ECT2L: variants seen among roughly 807,000 people sequenced by gnomAD.
ECT2L encodes epithelial cell-transforming sequence 2 oncogene-like.
ECT2L carries 126 observed loss-of-function variants against 122.8 expected under a neutral mutation model. The observed-to-expected ratio is 1.03, with a 90% confidence interval of 0.89 to 1.19. The LOEUF is 1.19. Ranked by LOEUF, ECT2L falls within the 50% of genes most tolerant of loss-of-function variation. The pLI is 0.00. For missense variants in ECT2L, 1,012 were observed against 1,064.1 expected (o/e 0.95, Z 0.68); for synonymous variants, 385 against 381.8 (o/e 1.01, Z -0.10).
In ECT2L at chr6:138,801,541, C is replaced by G. The variant is rs1583535350; in HGVS notation, c.-244+5349C>G. ...CTGAAGTGGGCAGATTGCCTGAGGTCAGGAGTCCGAGACCAGTCTGGCCAA... is the reference window on the plus strand; with the variant it reads ...CTGAAGTGGGCAGATTGCCTGAGGTGAGGAGTCCGAGACCAGTCTGGCCAA... On this transcript the variant is annotated intron_variant, in intron 1 of 21. Transcript: ENST00000541398. 2.0e-5 allele frequency among the ~76,000 whole-genome samples: 3 copies of G among 152,158 alleles called. No individual in the cohort carries two copies. In the South Asian group the frequency reaches 6.2e-4, roughly 32 times the overall value.
intron 1 of ECT2L, among the ~76,000 whole-genome samples, chr6:138,799,702 G>A (rs560655087): frequency 1.3e-5 from 2 of 152,294 alleles, no homozygotes; most frequent in South Asian, 4.1e-4. Flanking sequence ...TAGGACTACA[G>A]GTGAATGCCG....
intron 5 of ECT2L, among the ~76,000 whole-genome samples, chr6:138,838,968 G>A (rs1397036581): frequency 6.6e-6 from 1 of 152,284 alleles, no homozygotes; most frequent in South Asian, 2.1e-4. Flanking sequence ...TTTTAGTAGA[G>A]ACGGGGTTTT....
intron 1 of ECT2L, among the ~76,000 whole-genome samples, chr6:138,802,462 G>A (rs1775574864): frequency 6.6e-6 from 1 of 152,192 alleles, no homozygotes; most frequent in Non-Finnish European, 1.5e-5. Context: ...TACACACTGT[G>A]ATAGTCTCCA....
rs776359008 is a variant in ECT2L at position 138,888,984 on chromosome 6, T to G, written c.2367T>G (p.Asp789Glu). Residue 789 changes from aspartate to glutamate, a missense_variant, in exon 20 of 22, where the codon GAT (aspartate) becomes GAG (glutamate). Transcript: ENST00000541398. ...EVNRYLIRVQ[D>E]VAQLHCCDEE... ...ACAGATATCTGATTAGGGTACAAGA[T>G]GTAGCCCAACTTCATTGCTGTGATG... 1 of 1,553,480 alleles carries G rather than the reference T, an allele frequency of 6.4e-7. No homozygotes were observed. The highest frequency in any genetic ancestry group is 8.7e-7 in the Non-Finnish European group (1 of 1,144,250).
At chr6:138,888,473 G>A (rs1778905713) in intron 19 of ECT2L, among the ~76,000 whole-genome samples, 1 of 96,626 alleles carries the variant, frequency 1.0e-5, no homozygotes, top group Non-Finnish European at 2.5e-5. Context: ...ACCACACCTG[G>A]CTAATTTTTT....
chr6:138,847,106 A>G (rs1470473305), intron 8 of ECT2L, among the ~76,000 whole-genome samples: 1 of 151,274 alleles, frequency 6.6e-6, no homozygotes, highest in Non-Finnish European at 1.5e-5. Flanking sequence ...CATCTCTACT[A>G]AAAGTAGAAA....
At chr6:138,813,922 A>G (rs897013267) in intron 3 of ECT2L, among the ~76,000 whole-genome samples, 3 of 152,282 alleles carry the variant, frequency 2.0e-5, no homozygotes, top group African/African-American at 7.2e-5. Context: ...TGTTATCTCT[A>G]TCTGAGCAAA....
At chr6:138,842,655 C>A (rs556739700) in intron 5 of ECT2L, among the ~76,000 whole-genome samples, 1 of 151,660 alleles carries the variant, frequency 6.6e-6, no homozygotes, top group African/African-American at 2.4e-5. Flanking sequence ...GCCTGTAGTC[C>A]CAGCTACTCT....
At chr6:138,886,756 C>T (rs1344067363) in intron 18 of ECT2L, 101 bp from the exon 19 acceptor site, 1 of 832,646 alleles carries the variant, frequency 1.2e-6, no homozygotes, top group Admixed American at 2.1e-5. Context: ...TATGAAAATA[C>T]CAAGCCCTGT....
chr6:138,884,310 G>C (rs1358730403), intron 16 of ECT2L, among the ~76,000 whole-genome samples: 1 of 152,094 alleles, frequency 6.6e-6, no homozygotes, highest in South Asian at 2.1e-4. Context: ...TAACTTTACG[G>C]GTGCTCTAAT....
Position 138,889,187 on chromosome 6 carries a change from G to T in ECT2L, c.2414+156G>T, listed in dbSNP as rs1194378172. Among the ~76,000 whole-genome samples, 5 of 152,148 alleles carry T rather than the reference G, an allele frequency of 3.3e-5. No homozygotes were observed. The East Asian group carries it at 9.6e-4, about 29-fold the overall frequency. Reference sequence around the variant, plus strand: ...TGAAAAGTTACAGAGGACTCCCTCTGAGATAGTGTAGGGTATTTTATCACC... The same window carrying T: ...TGAAAAGTTACAGAGGACTCCCTCTTAGATAGTGTAGGGTATTTTATCACC... On this transcript the variant is annotated intron_variant, in intron 20 of 21. Coordinates refer to ENST00000541398, the MANE Select transcript of ECT2L (RefSeq NM_001077706.3).
chr6:138,862,487 G>C, intron 10 of ECT2L, 140 bp from the exon 11 acceptor site: 1 of 718,670 alleles, frequency 1.4e-6, no homozygotes, highest in East Asian at 2.6e-5. Flanking sequence ...CCGCCCTCAT[G>C]ATCCCTCCTG....
At chr6:138,878,540 A>C (rs985279494) in intron 14 of ECT2L, among the ~76,000 whole-genome samples, 2 of 152,228 alleles carry the variant, frequency 1.3e-5, no homozygotes, top group Admixed American at 6.5e-5. Context: ...TCTGCCTCCC[A>C]GGTTCCAGTG....
intron 1 of ECT2L, among the ~76,000 whole-genome samples, chr6:138,809,431 A>C (rs1775817805): frequency 6.6e-6 from 1 of 152,132 alleles, no homozygotes; most frequent in African/African-American, 2.4e-5. Context: ...AAGCCACTGC[A>C]CTCCAGCCTG....
intron 16 of ECT2L, among the ~76,000 whole-genome samples, chr6:138,883,959 G>C (rs1337333987): frequency 6.6e-6 from 1 of 152,130 alleles, no homozygotes; most frequent in Non-Finnish European, 1.5e-5. Flanking sequence ...ACTTCCCCAG[G>C]CTCAGGTGAT....
In ECT2L at chr6:138,882,746, G is replaced by A; in HGVS notation, c.1903G>A (p.Asp635Asn). ...CAGGCAGTTTCTAGATAACCTGAGA[G>A]ACAGACTGCAGGAATGGGGCCCAGC... ...LNRQFLDNLRDRLQEWGPAHC... is the reference protein window; with the variant it reads ...LNRQFLDNLRNRLQEWGPAHC... Residue 635 changes from aspartate (D) to asparagine (N), a missense_variant, in exon 16 of 22, where the codon GAC (aspartate) becomes AAC (asparagine). Coordinates refer to ENST00000541398, the MANE Select transcript of ECT2L (RefSeq NM_001077706.3). 6.2e-7 allele frequency: 1 copy of A among 1,614,164 alleles called. No homozygotes were observed. Among genetic ancestry groups the A allele is most frequent in the African/African-American group, 1.3e-5 (1 of 75,044 alleles).
chr6:138,810,838 A>G (rs1274761511), intron 1 of ECT2L, among the ~76,000 whole-genome samples: 1 of 152,206 alleles, frequency 6.6e-6, no homozygotes, highest in African/African-American at 2.4e-5. Context: ...ACCTGTATCT[A>G]TAGAGAGACC....
intron 1 of ECT2L, among the ~76,000 whole-genome samples, chr6:138,806,978 A>T (rs149646418): frequency 6.6e-6 from 1 of 152,220 alleles, no homozygotes; most frequent in Non-Finnish European, 1.5e-5. Flanking sequence ...TAAGAAAATC[A>T]TAAGGAAGAG....
At chr6:138,861,090 G>T (rs1050446978) in intron 10 of ECT2L, among the ~76,000 whole-genome samples, 1 of 152,116 alleles carries the variant, frequency 6.6e-6, no homozygotes, top group African/African-American at 2.4e-5. Flanking sequence ...AGTATTCCAT[G>T]ATGTATATGT....
Sources: allele counts gnomAD v4.1 joint callset (sites outside exome capture counted in the v4.1 genomes callset), GRCh38; gene constraint gnomAD v4.1.1; transcripts MANE v1.5; gene names NCBI Gene and HGNC (gene_info 2026-07-23, HGNC 2026-07-21).